The following ALDH1L2 variants were observed in gnomAD, a reference collection of about 807,000 sequenced individuals.
ALDH1L2 encodes mitochondrial 10-formyltetrahydrofolate dehydrogenase.
In ALDH1L2, 91 loss-of-function variants were observed where a neutral mutation model predicts 111.0. The observed-to-expected ratio is 0.82, with a 90% CI of 0.69 to 0.98. ALDH1L2 has a LOEUF of 0.98. ALDH1L2 is among the 50% of genes least tolerant of loss of function. The probability of loss-of-function intolerance (pLI) is 0.00; values close to 1 mark genes in which losing one functional copy is unlikely to be tolerated. For synonymous variants in ALDH1L2, 374 were observed against 392.6 expected, an observed-to-expected ratio of 0.95 and a Z score of 0.56; for missense variants, 995 against 1,126.8, an observed-to-expected ratio of 0.88 and a Z score of 1.67.
At chr12:105,075,102 T>C (rs1026253999) in intron 1 of ALDH1L2, among the ~76,000 whole-genome samples, 26 of 152,218 alleles carry the variant, frequency 1.7e-4, no homozygotes, top group African/African-American at 6.3e-4. Flanking sequence ...TTTGCCACCT[T>C]ACAAAAATTT....
In ALDH1L2 at chr12:105,020,156, A is replaced by T. The variant is rs1874092657; in HGVS notation, c.*4268T>A. ...TCATGCCTTATCCATCATCCCTCAT[A>T]TCCTACTCTTAGCCCAGATTTTCCT... On this transcript the variant is annotated 3_prime_UTR_variant, in exon 23 of 23. Coordinates refer to ENST00000258494, the MANE Select transcript of ALDH1L2 (RefSeq NM_001034173.4). The T allele has an allele frequency of 6.6e-6, 1 of 151,776 alleles. No homozygotes were observed. Among genetic ancestry groups the T allele is most frequent in the Non-Finnish European group, 1.5e-5 (1 of 68,002 alleles). 9.4% of individuals were successfully genotyped at this position (151,776 alleles called of 1,614,324 possible). A position where few individuals can be genotyped will look rare whatever the true frequency, so the allele number is the denominator to read the frequency against.
chr12:105,061,748 G>A lies in ALDH1L2; in HGVS notation c.926C>T (p.Thr309Met), dbSNP rs749342724. 30 of 1,613,860 alleles carry A rather than the reference G, an allele frequency of 1.9e-5. No individual in the cohort carries two copies. The highest frequency in any genetic ancestry group is 6.6e-5 in the South Asian group (6 of 91,072). Residue 309 changes from threonine (T) to methionine (M), a missense_variant, in exon 8 of 23, where the codon ACG (threonine) becomes ATG (methionine). Coordinates refer to ENST00000258494, the MANE Select transcript of ALDH1L2 (RefSeq NM_001034173.4). The stretch of plus-strand genomic sequence containing the variant: ...ATCTTCAAACTGCAGATTTCTCACC[G>A]TCAGCTACAAAATAGCAACAAAACA... ...VLFGNDGKALTVRNLQFEDGK... is the reference protein window; with the variant it reads ...VLFGNDGKALMVRNLQFEDGK...
intron 13 of ALDH1L2, among the ~76,000 whole-genome samples, chr12:105,049,285 A>G (rs1876107585): frequency 6.6e-6 from 1 of 152,224 alleles, no homozygotes; most frequent in Admixed American, 6.5e-5. Flanking sequence ...TCTTGACTTC[A>G]AATCTGGTCG....
chr12:105,074,458 C>CAAAAA (rs59114614), intron 1 of ALDH1L2, among the ~76,000 whole-genome samples: 3 of 38,886 alleles, frequency 7.7e-5, no homozygotes, highest in African/African-American at 5.5e-4. Context: ...ACTCTGTCTC[C>CAAAAA]AAAAAAAAAA....
chr12:105,059,051 G>A (rs7960452), intron 9 of ALDH1L2, among the ~76,000 whole-genome samples: 25,731 of 151,548 alleles, frequency 0.17, 2,865 homozygotes, highest in African/African-American at 0.31. Context: ...GGTGGATCAC[G>A]AGGTCAGGAG....
At chr12:105,051,108 T>A (rs1203141100) in intron 12 of ALDH1L2, among the ~76,000 whole-genome samples, 1 of 152,248 alleles carries the variant, frequency 6.6e-6, no homozygotes, top group Non-Finnish European at 1.5e-5. Flanking sequence ...CTTGTTCCTA[T>A]TCCTTACACA....
intron 2 of ALDH1L2, among the ~76,000 whole-genome samples, chr12:105,071,605 ATATAAGTAGTATATATATAT>A (rs1877689945): frequency 9.3e-6 from 1 of 107,428 alleles, no homozygotes; most frequent in Non-Finnish European, 1.8e-5. Context: ...ACAGTTTTAT[ATATAAGTAGTATATATATAT>A]ATATATATAT....
At chr12:105,044,882 T>G (rs6539182) in intron 15 of ALDH1L2, among the ~76,000 whole-genome samples, 56,237 of 151,688 alleles carry the variant, frequency 0.37, 10,655 homozygotes, top group South Asian at 0.52. Flanking sequence ...CTAAAAAAAG[T>G]TAGAATTTTT....
At chr12:105,040,192 A>G (rs1875449287) in intron 16 of ALDH1L2, among the ~76,000 whole-genome samples, 1 of 150,772 alleles carries the variant, frequency 6.6e-6, no homozygotes, top group Admixed American at 6.6e-5. Flanking sequence ...CTTTAAATTC[A>G]TTGAAGTAGA....
chr12:105,026,049 A>C (rs11112317), intron 22 of ALDH1L2, among the ~76,000 whole-genome samples: 11,201 of 152,178 alleles, frequency 0.074, 457 homozygotes, highest in Middle Eastern at 0.092. Context: ...GGCTTTTTAC[A>C]AACTCTTAAG....
intron 4 of ALDH1L2, among the ~76,000 whole-genome samples, chr12:105,068,310 C>G (rs1196893369): frequency 6.6e-6 from 1 of 151,418 alleles, no homozygotes; most frequent in African/African-American, 2.4e-5. Context: ...TGGATAAATA[C>G]AGCAACACCA....
At chr12:105,048,263 G>A (rs1876033999) in intron 13 of ALDH1L2, 1 of 152,178 alleles carries the variant, frequency 6.6e-6, no homozygotes. Context: ...GGAAAGTAAG[G>A]TTCTGAGAGA....
chr12:105,055,599 G>C (rs1156467160), intron 10 of ALDH1L2, among the ~76,000 whole-genome samples: 2 of 152,080 alleles, frequency 1.3e-5, no homozygotes, highest in Non-Finnish European at 2.9e-5. Context: ...CCCTAGAGAA[G>C]CCTAGACATT....
intron 15 of ALDH1L2, among the ~76,000 whole-genome samples, chr12:105,044,961 T>G (rs192222629): frequency 6.6e-6 from 1 of 152,136 alleles, no homozygotes; most frequent in South Asian, 2.1e-4. Context: ...GGTAAGAACA[T>G]TTAACGTGAG....
At chr12:105,037,860 G>A (rs970604189) in intron 18 of ALDH1L2, among the ~76,000 whole-genome samples, 1 of 151,874 alleles carries the variant, frequency 6.6e-6, no homozygotes, top group Non-Finnish European at 1.5e-5. Flanking sequence ...CGCCTCCTGG[G>A]TTCAAGAGAT....
rs370703847 is a variant in ALDH1L2, at chr12:105,030,304, A to C, written c.2516+20T>G. ...CTTATCTAGTCAAAACCTAAGTTACATTGTGTCTGAAGAACCTACCCATTT... is the reference window on the plus strand; with the variant it reads ...CTTATCTAGTCAAAACCTAAGTTACCTTGTGTCTGAAGAACCTACCCATTT... On this transcript the variant is annotated intron_variant, in intron 21 of 22. Coordinates refer to ENST00000258494, the MANE Select transcript of ALDH1L2 (RefSeq NM_001034173.4). The C allele has an allele frequency of 2.5e-6, 4 of 1,598,676 alleles. No homozygotes were observed. Among genetic ancestry groups the C allele is most frequent in the Non-Finnish European group, 3.4e-6 (4 of 1,170,348 alleles).
At position 105,066,548 on chromosome 12, in the gene ALDH1L2, T is replaced by C. The variant is rs375715869; in HGVS notation, c.696+20A>G. 1.2e-5 allele frequency: 19 copies of C among 1,601,446 alleles called. No homozygotes were observed. Among genetic ancestry groups the C allele is most frequent in the Admixed American group, 8.3e-5 (5 of 59,924 alleles). On this transcript the variant is annotated intron_variant, in intron 5 of 22. Coordinates refer to ENST00000258494, the MANE Select transcript of ALDH1L2 (RefSeq NM_001034173.4). ...GGGCCATGAACTCTGAGACGTGTTATTGAGTTGATATATAAATACCTCAGC... is the reference window on the plus strand; with the variant it reads ...GGGCCATGAACTCTGAGACGTGTTACTGAGTTGATATATAAATACCTCAGC...
rs139711790 is a variant in ALDH1L2 at position 105,052,904 on chromosome 12, C to A, written c.1315G>T (p.Val439Leu). 9 of 1,613,722 alleles carry A rather than the reference C, an allele frequency of 5.6e-6. No individual in the cohort carries two copies. The highest frequency in any genetic ancestry group is 6.8e-6 in the Non-Finnish European group (8 of 1,179,770). Residue 439 changes from valine to leucine, a missense_variant, in exon 11 of 23, where the codon GTA (valine) becomes TTA (leucine). Val to Leu is a conservative substitution (Grantham distance 32, BLOSUM62 1). Coordinates refer to ENST00000258494, the MANE Select transcript of ALDH1L2 (RefSeq NM_001034173.4). ...ATGAAACACTGGTATGGCATTTTTA[C>A]CATGATTTCATTGACCTCCTTTGAA... Reference protein sequence around the residue: ...YISKEVNEIMVKMPYQCFING... With the variant: ...YISKEVNEIMLKMPYQCFING...
At chr12:105,033,384 CTG>C (rs966362952) in intron 19 of ALDH1L2, among the ~76,000 whole-genome samples, 40 of 152,214 alleles carry the variant, frequency 2.6e-4, no homozygotes, top group African/African-American at 9.2e-4. Flanking sequence ...GCACTGCAGA[CTG>C]TCTTTCAGTG....
Sources: gnomAD v4.1 joint callset for allele counts (sites outside exome capture counted in the v4.1 genomes callset) on GRCh38, gnomAD v4.1.1 for gene constraint, MANE v1.5 for transcripts, NCBI Gene and HGNC (gene_info 2026-07-23, HGNC 2026-07-21) for gene names.